Variants in RIMKLA observed in about 807,000 individuals in gnomAD.
RIMKLA encodes the protein ribosomal modification protein rimK like family member A.
RIMKLA carries 14 observed loss-of-function variants against 32.7 expected under a neutral mutation model. The observed-to-expected ratio is 0.43, with a 90% confidence interval of 0.28 to 0.67. The LOEUF (loss-of-function observed/expected upper bound fraction) is 0.67, where lower values mean the gene tolerates loss of function less well. RIMKLA is among the 30% of genes least tolerant of loss of function. The pLI is 0.18. For missense variants in RIMKLA, 410 were observed against 519.0 expected, an observed-to-expected ratio of 0.79 and a Z score of 2.04; for synonymous variants, 176 against 204.1, an observed-to-expected ratio of 0.86 and a Z score of 1.18.
At chr1:42,402,237 C>G (rs1032688750) in intron 2 of RIMKLA, among the ~76,000 whole-genome samples, 1 of 152,142 alleles carries the variant, frequency 6.6e-6, no homozygotes, top group Non-Finnish European at 1.5e-5. Flanking sequence ...AGTCCTAATC[C>G]CTAGCACCTG....
In RIMKLA at chr1:42,420,519, G is replaced by A. The variant is rs954526180; in HGVS notation, c.*5545G>A. On this transcript the variant is annotated 3_prime_UTR_variant, in exon 5 of 5. Transcript: ENST00000431473. ...TTATATTCTCACATACAACCAGATG[G>A]ATAGCCATTCCTTTTCTTAATTTGA... The A allele has an allele frequency of 2.0e-5, 3 of 152,218 alleles. No individual in the cohort carries two copies. Among genetic ancestry groups the A allele is most frequent in the African/African-American group, 7.2e-5 (3 of 41,446 alleles). 9.4% of individuals were successfully genotyped at this position (152,218 alleles called of 1,614,324 possible). A position where few individuals can be genotyped will look rare whatever the true frequency, so the allele number is the denominator to read the frequency against.
chr1:42,389,703 A>G (rs527856901), intron 1 of RIMKLA, among the ~76,000 whole-genome samples: 16 of 151,716 alleles, frequency 1.1e-4, no homozygotes, highest in Non-Finnish European at 2.1e-4. Flanking sequence ...AATCCCAGCT[A>G]CTCTGGAGGC....
At chr1:42,383,291 G>A (rs17369484) in intron 1 of RIMKLA, among the ~76,000 whole-genome samples, 22,675 of 152,136 alleles carry the variant, frequency 0.15, 1,785 homozygotes, top group East Asian at 0.22. Flanking sequence ...TAATTCCGAG[G>A]TAGCCTACAC....
At chr1:42,404,879 T>C (rs545309356) in intron 3 of RIMKLA, among the ~76,000 whole-genome samples, 7 of 152,142 alleles carry the variant, frequency 4.6e-5, no homozygotes, top group African/African-American at 1.7e-4. Flanking sequence ...CTCTGAAACA[T>C]AGATCTGTTC....
chr1:42,399,896 C>T (rs1296471391), intron 2 of RIMKLA, among the ~76,000 whole-genome samples: 5 of 152,206 alleles, frequency 3.3e-5, no homozygotes, highest in East Asian at 1.9e-4. Flanking sequence ...GCAAGAGGCT[C>T]CTGCCCTCAA....
At position 42,420,741 on chromosome 1, in the gene RIMKLA, C is replaced by G. The variant is rs1327449660; in HGVS notation, c.*5767C>G. ...TCACCACTCGTTGTCAGGGGTACAC[C>G]TTTTGGAAGGCAGCGTGGGCTAATG... On this transcript the variant is annotated 3_prime_UTR_variant, in exon 5 of 5. Coordinates refer to ENST00000431473, the MANE Select transcript of RIMKLA (RefSeq NM_173642.4). The G allele has an allele frequency of 6.6e-6, 1 of 152,326 alleles. No individual in the cohort carries two copies. Among genetic ancestry groups the G allele is most frequent in the African/African-American group, 2.4e-5 (1 of 41,460 alleles). 9.4% of individuals were successfully genotyped at this position (152,326 alleles called of 1,614,324 possible).
intron 1 of RIMKLA, among the ~76,000 whole-genome samples, chr1:42,395,186 A>G (rs970727051): frequency 3.9e-5 from 6 of 152,242 alleles, no homozygotes; most frequent in African/African-American, 1.4e-4. Flanking sequence ...TCAGAACACA[A>G]TTACCCATAA....
At position 42,423,066 on chromosome 1, in the gene RIMKLA, C is replaced by T. The variant is rs1643307470; in HGVS notation, c.*8092C>T. 6.6e-6 allele frequency among the ~76,000 whole-genome samples: 1 copy of T among 152,086 alleles called. No homozygotes were observed. Among genetic ancestry groups the T allele is most frequent in the Non-Finnish European group, 1.5e-5 (1 of 68,008 alleles). On this transcript the variant is annotated 3_prime_UTR_variant, in exon 5 of 5. Transcript: ENST00000431473. Reference sequence around the variant, plus strand: ...TTTGCCTGACATTTCAAGAGGCTTCCTGGGAGAAGCGGTGATAAGACCCTG... The same window carrying T: ...TTTGCCTGACATTTCAAGAGGCTTCTTGGGAGAAGCGGTGATAAGACCCTG...
At chr1:42,394,653 A>C (rs532980971) in intron 1 of RIMKLA, among the ~76,000 whole-genome samples, 38 of 152,310 alleles carry the variant, frequency 2.5e-4, no homozygotes, top group Admixed American at 1.6e-3. Flanking sequence ...TTTCCAATAA[A>C]GATTTATTTC....
chr1:42,399,324 T>C (rs558434598), intron 1 of RIMKLA, 80 bp from the exon 2 acceptor site: 4 of 1,071,088 alleles, frequency 3.7e-6, no homozygotes, highest in Non-Finnish European at 5.5e-6. Flanking sequence ...GGTTCAGTCT[T>C]GAAGAGTCTG....
At chr1:42,407,450 G>T (rs372467965) in intron 3 of RIMKLA, among the ~76,000 whole-genome samples, 4 of 152,086 alleles carry the variant, frequency 2.6e-5, no homozygotes, top group African/African-American at 9.7e-5. Context: ...AAGCTTCATA[G>T]TTTTAGCCCT....
At chr1:42,388,432 T>C (rs1334629084) in intron 1 of RIMKLA, among the ~76,000 whole-genome samples, 1 of 152,078 alleles carries the variant, frequency 6.6e-6, no homozygotes, top group Non-Finnish European at 1.5e-5. Flanking sequence ...CTTGAACTGC[T>C]GGCCTCAAGT....
At chr1:42,398,335 C>T (rs1292605979) in intron 1 of RIMKLA, among the ~76,000 whole-genome samples, 4 of 152,204 alleles carry the variant, frequency 2.6e-5, no homozygotes, top group East Asian at 1.9e-4. Flanking sequence ...TACAGCATCA[C>T]GTCATCTTGC....
Position 42,415,023 on chromosome 1 carries a change from T to C in RIMKLA, c.*49T>C, listed in dbSNP as rs1379929583. ...AAACCAAATCCTACTGCTTCCCTAG[T>C]AGTTTTGAGTGAATAAAATCTGGAC... is the stretch of plus-strand genomic sequence containing the variant. On this transcript the variant is annotated 3_prime_UTR_variant, in exon 5 of 5. Coordinates refer to ENST00000431473, the MANE Select transcript of RIMKLA (RefSeq NM_173642.4). 1.3e-6 allele frequency: 2 copies of C among 1,516,860 alleles called. No individual in the cohort carries two copies. Among genetic ancestry groups the C allele is most frequent in the Admixed American group, 2.0e-5 (1 of 49,360 alleles). 94.0% of individuals were successfully genotyped at this position (1,516,860 alleles called of 1,614,324 possible).
intron 1 of RIMKLA, among the ~76,000 whole-genome samples, chr1:42,393,335 A>T (rs948243770): frequency 6.6e-6 from 1 of 152,238 alleles, no homozygotes; most frequent in African/African-American, 2.4e-5. Context: ...AGTGAAAAAA[A>T]TGCATATTTA....
chr1:42,400,690 A>G (rs1643089642), intron 2 of RIMKLA, among the ~76,000 whole-genome samples: 1 of 152,072 alleles, frequency 6.6e-6, no homozygotes, highest in African/African-American at 2.4e-5. Flanking sequence ...TATAGGGGAG[A>G]GGTGATTTCA....
At chr1:42,387,260 CAAAAAAT>C (rs199625165) in intron 1 of RIMKLA, among the ~76,000 whole-genome samples, 2,679 of 149,772 alleles carry the variant, frequency 0.018, 95 homozygotes, top group African/African-American at 0.063. Context: ...TTATTTATTC[CAAAAAAT>C]AAAAAATAAA....
At chr1:42,381,364 C>T (rs755788668) in intron 1 of RIMKLA, among the ~76,000 whole-genome samples, 10 of 152,218 alleles carry the variant, frequency 6.6e-5, no homozygotes, top group African/African-American at 9.6e-5. Context: ...CCCGAATTCA[C>T]CTGAAGCCAC....
In RIMKLA at chr1:42,418,152, T is replaced by C. The variant is rs956269542; in HGVS notation, c.*3178T>C. The C allele has an allele frequency of 1.3e-5, 2 of 152,196 alleles. No individual in the cohort carries two copies. Among genetic ancestry groups the C allele is most frequent in the Non-Finnish European group, 2.9e-5 (2 of 68,046 alleles). 9.4% of individuals were successfully genotyped at this position (152,196 alleles called of 1,614,324 possible). A position where few individuals can be genotyped will look rare whatever the true frequency, so the allele number is the denominator to read the frequency against. ...CTCTTGTATACCAACTAACAAAGTC[T>C]TCCTTATGTAACATAGATTGCAGTG... is the stretch of plus-strand genomic sequence containing the variant. On this transcript the variant is annotated 3_prime_UTR_variant, in exon 5 of 5. Transcript: ENST00000431473.
Sources: gnomAD v4.1 joint callset for allele counts (sites outside exome capture counted in the v4.1 genomes callset) on GRCh38, gnomAD v4.1.1 for gene constraint, MANE v1.5 for transcripts, NCBI Gene and HGNC (gene_info 2026-07-23, HGNC 2026-07-21) for gene names.